Variants in KMT2A observed in about 807,000 individuals in gnomAD.
KMT2A encodes lysine methyltransferase 2A.
Under a neutral mutation model 345.3 loss-of-function variants are expected in KMT2A, and 16 were observed. The observed-to-expected ratio is 0.05, with a 90% confidence interval of 0.03 to 0.07. The LOEUF (loss-of-function observed/expected upper bound fraction) is 0.07. Ranked by LOEUF, KMT2A falls within the 10% of genes least tolerant of loss-of-function variation. The pLI, the probability that KMT2A is intolerant of heterozygous loss-of-function variation, is 1.00. For synonymous variants in KMT2A, 1,599 were observed against 1,778.6 expected (o/e 0.90, Z 2.54); for missense variants, 3,272 against 4,841.6 (o/e 0.68, Z 9.62).
intron 1 of KMT2A, among the ~76,000 whole-genome samples, chr11:118,440,744 A>G (rs1242700523): frequency 6.6e-6 from 1 of 151,236 alleles, no homozygotes; most frequent in African/African-American, 2.4e-5. Flanking sequence ...ACTTGAAAAG[A>G]TAGTACTCCT....
chr11:118,488,406 T>A, intron 10 of KMT2A: 2 of 614,338 alleles, frequency 3.3e-6, no homozygotes, highest in South Asian at 3.4e-5. Context: ...ACTTTCTATT[T>A]CCACTGGTAT....
chr11:118,514,436 G>A (rs919496910), intron 31 of KMT2A, among the ~76,000 whole-genome samples: 54 of 149,140 alleles, frequency 3.6e-4, no homozygotes, highest in African/African-American at 1.3e-3. Flanking sequence ...ATCCATCCAT[G>A]TGTCTTTTTT....
Position 118,488,399 on chromosome 11 carries a change from T to G in KMT2A, c.4333-215T>G, listed in dbSNP as rs1340125060. On this transcript the variant is annotated intron_variant, in intron 10 of 35. Transcript: ENST00000534358. ...CTTGTATTATATTTATTTTGTTACT[T>G]TCTATTTCCACTGGTATTACCACTT... 2.9e-5 allele frequency: 17 copies of G among 592,838 alleles called. No homozygotes were observed. The East Asian group carries it at 4.8e-4, about 17-fold the overall frequency. 36.7% of individuals were successfully genotyped at this position (592,838 alleles called of 1,614,324 possible).
chr11:118,442,522 A>C (rs1949335797), intron 1 of KMT2A, among the ~76,000 whole-genome samples: 1 of 152,108 alleles, frequency 6.6e-6, no homozygotes, highest in Non-Finnish European at 1.5e-5. Flanking sequence ...TAAATCTCAG[A>C]CTCGTGATTT....
intron 1 of KMT2A, chr11:118,450,211 T>C (rs1004786752): frequency 3.3e-5 from 5 of 151,244 alleles, no homozygotes; most frequent in African/African-American, 1.2e-4. Context: ...TCTTGAGTTT[T>C]TGGTTTTTTT....
At chr11:118,479,487 A>G (rs1382698230) in intron 5 of KMT2A, among the ~76,000 whole-genome samples, 3 of 152,270 alleles carry the variant, frequency 2.0e-5, no homozygotes, top group African/African-American at 4.8e-5. Context: ...GAAATGCTAC[A>G]TTATTTACTT....
chr11:118,518,601 T>C (rs905285611), intron 31 of KMT2A, among the ~76,000 whole-genome samples: 2 of 151,634 alleles, frequency 1.3e-5, no homozygotes, highest in Non-Finnish European at 2.9e-5. Flanking sequence ...GCCAATATGG[T>C]GAAACCTTGT....
chr11:118,438,136 A>T (rs1372555735), intron 1 of KMT2A, among the ~76,000 whole-genome samples: 1 of 152,016 alleles, frequency 6.6e-6, no homozygotes, highest in Non-Finnish European at 1.5e-5. Context: ...GTTATACTTT[A>T]GTGTGGTGGC....
intron 1 of KMT2A, among the ~76,000 whole-genome samples, chr11:118,467,659 A>C (rs1555034443): frequency 6.6e-6 from 1 of 152,238 alleles, no homozygotes; most frequent in South Asian, 2.1e-4. Context: ...TAAGACAGTT[A>C]GCACCTGACT....
chr11:118,471,574 T>C, intron 2 of KMT2A, 88 bp from the exon 3 acceptor site: 3 of 764,744 alleles, frequency 3.9e-6, no homozygotes, highest in South Asian at 5.5e-5. Context: ...CAGTACAAAA[T>C]GGCCAGTGCT....
Position 118,468,813 on chromosome 11 carries a change from C to T in KMT2A, c.471C>T (p.Val157=), listed in dbSNP as rs1555034777. The T allele has an allele frequency of 2.7e-5, 43 of 1,613,120 alleles. No homozygotes were observed. Among genetic ancestry groups the T allele is most frequent in the Non-Finnish European group, 3.6e-5 (43 of 1,179,348 alleles). Residue 157 remains valine (V), a synonymous_variant, in exon 2 of 36, where the codon GTC becomes GTT. Coordinates refer to ENST00000534358, the MANE Select transcript of KMT2A (RefSeq NM_001197104.2). ...QFLGFGSDEE[V]RVRSPTRSPS... ...TAGGTTTTGGCTCAGATGAAGAAGT[C>T]AGAGTGCGAAGTCCCACAAGGTCTC...
Position 118,495,659 on chromosome 11 carries a change from G to A in KMT2A, c.5364-41G>A, listed in dbSNP as rs1555043762. On this transcript the variant is annotated intron_variant, in intron 18 of 35. Coordinates refer to ENST00000534358, the MANE Select transcript of KMT2A (RefSeq NM_001197104.2). This position sits in a 1 kb window ranked among gnomAD's most constrained non-coding sequence, Gnocchi z 4.1. ...TATTTTATACAGTTCTAGGTATACT[G>A]TAGGAGTTCAATAAATGCTTGTTGA... 1 of 1,500,334 alleles carries A rather than the reference G, an allele frequency of 6.7e-7. No individual in the cohort carries two copies. Among genetic ancestry groups the A allele is most frequent in the African/African-American group, 1.4e-5 (1 of 72,384 alleles). The allele number at this position is 1,500,334 out of a possible 1,614,324, so 92.9% of individuals were successfully genotyped here.
chr11:118,492,829 C>A lies in KMT2A; in HGVS notation c.5005-228C>A, dbSNP rs185750613. Among the ~76,000 whole-genome samples, 26 of 152,300 alleles carry A rather than the reference C, an allele frequency of 1.7e-4. 1 individual carries two copies. In the East Asian group the frequency reaches 4.6e-3, roughly 27 times the overall value. On this transcript the variant is annotated intron_variant, in intron 15 of 35. Transcript: ENST00000534358. ...TGAACACAATTTCAGCTTCTTCATACTAGGTTTGGAATTATCAAGAAAAGC... is the reference window on the plus strand; with the variant it reads ...TGAACACAATTTCAGCTTCTTCATAATAGGTTTGGAATTATCAAGAAAAGC...
chr11:118,509,056 A>G, intron 28 of KMT2A, 80 bp from the exon 29 acceptor site: 1 of 1,184,508 alleles, frequency 8.4e-7, no homozygotes, highest in African/African-American at 1.5e-5. Flanking sequence ...TGTATACCAC[A>G]GCTGTATAGA....
intron 1 of KMT2A, chr11:118,450,301 G>T (rs1219081011): frequency 6.6e-6 from 1 of 151,874 alleles, no homozygotes; most frequent in African/African-American, 2.4e-5. Flanking sequence ...CATTCATTTT[G>T]CTGTTTTTTG....
chr11:118,508,842 C>A (rs1380798103), intron 28 of KMT2A, among the ~76,000 whole-genome samples: 1 of 152,042 alleles, frequency 6.6e-6, no homozygotes, highest in Non-Finnish European at 1.5e-5. Flanking sequence ...TGACAAGTGT[C>A]CTTTCATTTT....
Position 118,473,284 on chromosome 11 carries a change from T to G in KMT2A, c.2125T>G (p.Ser709Ala), listed in dbSNP as rs781948619. The change falls in exon 3 of 36, where the codon TCT becomes GCT. Residue 709 changes from serine to alanine, a missense_variant. By Grantham distance (99) the Ser-to-Ala change is moderately conservative (BLOSUM62 1). Around this residue, in one of 27 missense-constraint regions of KMT2A, gnomAD observed 114 missense variants for 203.2 expected, o/e 0.56. Transcript: ENST00000534358. The surrounding 1 kb of genome is among the most constrained non-coding windows in gnomAD (Gnocchi z 5.2). ...AAGATTTACTCCAAGTGAGGCTCAC[T>G]CTAGAATATTTGAGTCTGTAACCTT... Reference protein sequence around the residue: ...APRFTPSEAHSRIFESVTLPS... With the variant: ...APRFTPSEAHARIFESVTLPS... The G allele has an allele frequency of 6.2e-7, 1 of 1,613,312 alleles. No individual in the cohort carries two copies. The highest frequency in any genetic ancestry group is 1.1e-5 in the South Asian group (1 of 91,002).
intron 1 of KMT2A, among the ~76,000 whole-genome samples, chr11:118,443,008 C>T (rs1949345432): frequency 6.6e-6 from 1 of 152,110 alleles, no homozygotes; most frequent in Non-Finnish European, 1.5e-5. Flanking sequence ...ATTGTCATTT[C>T]ATTGGTTGTT....
rs140472609 is a variant in KMT2A at position 118,443,546 on chromosome 11, G to A, written c.432+6602G>A. 1.5e-3 allele frequency among the ~76,000 whole-genome samples: 223 copies of A among 152,320 alleles called. 1 individual carries two copies. Among genetic ancestry groups the A allele is most frequent in the African/African-American group, 5.0e-3 (209 of 41,566 alleles). On this transcript the variant is annotated intron_variant, in intron 1 of 35. Transcript: ENST00000534358. ...TGTTGTGGATGATATAAATCCCCTT[G>A]AAGGATTAGTCCAAAACTTCTAAGA...
Sources: allele counts gnomAD v4.1 joint callset (sites outside exome capture counted in the v4.1 genomes callset), GRCh38; gene constraint gnomAD v4.1.1; regional missense constraint gnomAD v4.1.1; non-coding constraint Gnocchi (gnomAD v3.1); transcripts MANE v1.5; gene names NCBI Gene and HGNC (gene_info 2026-07-23, HGNC 2026-07-21).